Variants in RUNX1 observed in about 807,000 individuals in gnomAD.
RUNX1 encodes the protein RUNX family transcription factor 1.
RUNX1 carries 19 observed loss-of-function variants against 42.8 expected under a neutral mutation model. The ratio of observed to expected loss-of-function variants is 0.44; its 90% CI spans 0.31 to 0.65. The LOEUF (loss-of-function observed/expected upper bound fraction) is 0.65. Ranked by LOEUF, RUNX1 falls within the 30% of genes least tolerant of loss-of-function variation. RUNX1 has a pLI of 0.07. For synonymous variants in RUNX1, 271 were observed against 289.4 expected, an observed-to-expected ratio of 0.94 and a Z score of 0.64; for missense variants, 528 against 672.0, an observed-to-expected ratio of 0.79 and a Z score of 2.37.
At chr21:34,827,141 T>C (rs1360687204) in intron 7 of RUNX1, among the ~76,000 whole-genome samples, 1 of 151,942 alleles carries the variant, frequency 6.6e-6, no homozygotes, top group East Asian at 1.9e-4. Context: ...GAAACTGGAG[T>C]AAAGGCCATA....
chr21:34,925,064 A>C (rs1007839395), intron 2 of RUNX1, among the ~76,000 whole-genome samples: 1 of 151,986 alleles, frequency 6.6e-6, no homozygotes, highest in African/African-American at 2.4e-5. Context: ...GGAGGATACA[A>C]ACATTGAGTC....
intron 2 of RUNX1, among the ~76,000 whole-genome samples, chr21:34,914,366 C>A (rs940459788): frequency 1.3e-5 from 2 of 152,188 alleles, no homozygotes; most frequent in African/African-American, 4.8e-5. Flanking sequence ...GCATTAGGAA[C>A]AAGGACCTCC....
chr21:34,964,831 G>A (rs1361864675), intron 2 of RUNX1, among the ~76,000 whole-genome samples: 1 of 152,192 alleles, frequency 6.6e-6, no homozygotes, highest in African/African-American at 2.4e-5. Context: ...GACTTGCCCT[G>A]AGGGCATGAT....
intron 2 of RUNX1, among the ~76,000 whole-genome samples, chr21:34,923,399 C>T (rs138960678): frequency 5.3e-5 from 8 of 152,224 alleles, no homozygotes; most frequent in South Asian, 4.2e-4. Flanking sequence ...GTGATGAGAC[C>T]GGCCCTGTTC....
chr21:34,871,773 G>A (rs1030679156), intron 5 of RUNX1, among the ~76,000 whole-genome samples: 4 of 151,902 alleles, frequency 2.6e-5, no homozygotes, highest in Non-Finnish European at 4.4e-5. Flanking sequence ...TTTATTTAGG[G>A]TATGCAGACT....
chr21:35,032,792 A>G (rs2059282019), intron 2 of RUNX1, among the ~76,000 whole-genome samples: 1 of 152,216 alleles, frequency 6.6e-6, no homozygotes, highest in South Asian at 2.1e-4. Flanking sequence ...TTAGCTGATC[A>G]CAGGAATTAA....
At chr21:34,896,715 C>A (rs1417786692) in intron 2 of RUNX1, among the ~76,000 whole-genome samples, 1 of 151,896 alleles carries the variant, frequency 6.6e-6, no homozygotes, top group Non-Finnish European at 1.5e-5. Flanking sequence ...AAGGAAAATG[C>A]CAGCTTTGGA....
chr21:34,936,257 G>C (rs746801251), intron 2 of RUNX1, among the ~76,000 whole-genome samples: 1 of 150,498 alleles, frequency 6.6e-6, no homozygotes, highest in Non-Finnish European at 1.5e-5. Flanking sequence ...TAACTACTTA[G>C]AATTCAGCCC....
chr21:34,791,467 AC>A lies in RUNX1; in HGVS notation c.*667del, dbSNP rs200576340. 2,142 of 232,608 alleles carry A rather than the reference AC, an allele frequency of 9.2e-3. 11 individuals carry two copies. Among genetic ancestry groups the A allele is most frequent in the African/African-American group, 0.014 (632 of 45,408 alleles). The allele number at this position is 232,608 out of a possible 1,614,324, so 14.4% of individuals were successfully genotyped here. A position where few individuals can be genotyped will look rare whatever the true frequency, so the allele number is the denominator to read the frequency against. On this transcript the variant is annotated 3_prime_UTR_variant, in exon 9 of 9. Transcript: ENST00000675419. ...CAAAACAAAACAAAAAAAAACAACT[AC>A]CCAAAAGTCCAAAAGAAAAGTTAAA...
At chr21:34,864,320 TC>T (rs2057624391) in intron 5 of RUNX1, among the ~76,000 whole-genome samples, 1 of 152,206 alleles carries the variant, frequency 6.6e-6, no homozygotes, top group Non-Finnish European at 1.5e-5. Context: ...CAAGTGTTTC[TC>T]CCAGCGAGCT....
chr21:34,849,558 T>C (rs889899400), intron 6 of RUNX1, among the ~76,000 whole-genome samples: 1 of 135,202 alleles, frequency 7.4e-6, no homozygotes, highest in Non-Finnish European at 1.5e-5. Flanking sequence ...ACAGCAAATT[T>C]TACCAGTGAC....
chr21:34,957,091 C>G (rs572739452), intron 2 of RUNX1, among the ~76,000 whole-genome samples: 2 of 152,166 alleles, frequency 1.3e-5, no homozygotes, highest in East Asian at 1.9e-4. Flanking sequence ...GGCCACGAAG[C>G]CTCTGAGCTT....
intron 4 of RUNX1, among the ~76,000 whole-genome samples, chr21:34,886,573 G>A (rs991894667): frequency 6.6e-6 from 1 of 152,202 alleles, no homozygotes; most frequent in African/African-American, 2.4e-5. Flanking sequence ...TGCCAGGGAG[G>A]TCCCGACCGG....
chr21:34,822,482 T>A (rs1409796037), intron 7 of RUNX1, among the ~76,000 whole-genome samples: 1 of 152,224 alleles, frequency 6.6e-6, no homozygotes, highest in African/African-American at 2.4e-5. Context: ...AAACAAAGGC[T>A]ATCATTTTAA....
chr21:34,866,610 A>G (rs780182730), intron 5 of RUNX1, among the ~76,000 whole-genome samples: 43 of 152,154 alleles, frequency 2.8e-4, no homozygotes, highest in Non-Finnish European at 4.7e-4. Flanking sequence ...CTCCTCTTCC[A>G]TTTCCTTACC....
intron 2 of RUNX1, among the ~76,000 whole-genome samples, chr21:34,988,363 A>C (rs1022938272): frequency 1.3e-5 from 2 of 152,084 alleles, no homozygotes; most frequent in Non-Finnish European, 2.9e-5. Context: ...TTTCATCAAC[A>C]TTCCTGGGGC....
chr21:34,930,270 G>GTGTGTGTGTATATATATATATATATATA (rs372412304), intron 2 of RUNX1, among the ~76,000 whole-genome samples: 13 of 123,030 alleles, frequency 1.1e-4, no homozygotes, highest in African/African-American at 4.5e-4. Flanking sequence ...GTGTGTGTAT[G>GTGTGTGTGTATATATATATATATATATA]TATATATATA....
chr21:34,874,305 A>T (rs1303496646), intron 5 of RUNX1, among the ~76,000 whole-genome samples: 1 of 152,072 alleles, frequency 6.6e-6, no homozygotes, highest in Non-Finnish European at 1.5e-5. Flanking sequence ...TACAGAAAGA[A>T]AACAGCCTTA....
chr21:34,846,420 G>A (rs1479930294), intron 6 of RUNX1, among the ~76,000 whole-genome samples: 1 of 151,444 alleles, frequency 6.6e-6, no homozygotes, highest in African/African-American at 2.4e-5. Context: ...AGGGGCCCCT[G>A]GGCTTTCCTT....
Sources: allele counts gnomAD v4.1 joint callset (sites outside exome capture counted in the v4.1 genomes callset), GRCh38; gene constraint gnomAD v4.1.1; transcripts MANE v1.5; gene names NCBI Gene and HGNC (gene_info 2026-07-23, HGNC 2026-07-21).